MARCHF7: variants seen among roughly 807,000 people sequenced by gnomAD.
MARCHF7 encodes the protein membrane associated ring-CH-type finger 7, also known as E3 ubiquitin-protein ligase MARCHF7.
A neutral mutation model predicts 76.5 loss-of-function variants in MARCHF7; 20 were observed. The ratio of observed to expected loss-of-function variants is 0.26; its 90% CI spans 0.18 to 0.38. The LOEUF (loss-of-function observed/expected upper bound fraction) is 0.38. Ranked by LOEUF, MARCHF7 falls within the 10% of genes least tolerant of loss-of-function variation. MARCHF7 has a pLI of 1.00. For synonymous variants in MARCHF7, 295 were observed against 293.0 expected (o/e 1.01, Z -0.07); for missense variants, 797 against 812.9 (o/e 0.98, Z 0.24).
Position 159,767,533 on chromosome 2 carries a change from A to G in MARCHF7, c.*191A>G, listed in dbSNP as rs141032454. On this transcript the variant is annotated 3_prime_UTR_variant, in exon 12 of 12. Coordinates refer to ENST00000409175, the MANE Select transcript of MARCHF7 (RefSeq NM_001282805.2). ...TGTTGCTGAATTAAAATTCTGCTGG[A>G]CTTTTTAACATAGCAAATCCGATGT... 2 of 447,988 alleles carry G rather than the reference A, an allele frequency of 4.5e-6. No individual in the cohort carries two copies. The highest frequency in any genetic ancestry group is 7.9e-6 in the Non-Finnish European group (2 of 254,772). The allele number at this position is 447,988 out of a possible 1,614,324, so 27.8% of individuals were successfully genotyped here.
At chr2:159,759,855 G>T (rs542087765) in intron 9 of MARCHF7, among the ~76,000 whole-genome samples, 1 of 152,316 alleles carries the variant, frequency 6.6e-6, no homozygotes, top group Non-Finnish European at 1.5e-5. Flanking sequence ...CTAGCACTTT[G>T]GGAGGCTAAG....
At chr2:159,726,721 G>A (rs1287966013) in intron 3 of MARCHF7, among the ~76,000 whole-genome samples, 1 of 152,016 alleles carries the variant, frequency 6.6e-6, no homozygotes, top group East Asian at 1.9e-4. Flanking sequence ...TCATAATGTT[G>A]TGCAAACATC....
At chr2:159,751,023 T>C (rs548757580) in intron 7 of MARCHF7, among the ~76,000 whole-genome samples, 1 of 152,346 alleles carries the variant, frequency 6.6e-6, no homozygotes. Flanking sequence ...TTCCTGCTTT[T>C]AAACTTGCTA....
chr2:159,750,284 T>G (rs774003890), intron 7 of MARCHF7, among the ~76,000 whole-genome samples: 2 of 152,204 alleles, frequency 1.3e-5, no homozygotes, highest in Non-Finnish European at 2.9e-5. Context: ...CCCAGCACTT[T>G]GGGAGGCCAA....
intron 1 of MARCHF7, among the ~76,000 whole-genome samples, chr2:159,713,853 T>C (rs1700649146): frequency 6.6e-6 from 1 of 152,208 alleles, no homozygotes. Flanking sequence ...AGTTAATTTC[T>C]AGAGAGGATT....
chr2:159,715,285 G>A (rs1241283063), intron 2 of MARCHF7, among the ~76,000 whole-genome samples: 2 of 152,014 alleles, frequency 1.3e-5, no homozygotes, highest in African/African-American at 2.4e-5. Context: ...TTAATATACA[G>A]CATTTGCTAA....
chr2:159,741,205 T>C (rs996632875), intron 4 of MARCHF7, among the ~76,000 whole-genome samples: 1 of 152,116 alleles, frequency 6.6e-6, no homozygotes, highest in African/African-American at 2.4e-5. Flanking sequence ...AGACCCTGTC[T>C]CTACAAAATA....
chr2:159,738,996 A>G (rs1414086202), intron 4 of MARCHF7, among the ~76,000 whole-genome samples: 1 of 152,206 alleles, frequency 6.6e-6, no homozygotes. Context: ...GACGGGGGCC[A>G]AGGTAGCAGT....
At chr2:159,742,208 A>G (rs1013023046) in intron 4 of MARCHF7, among the ~76,000 whole-genome samples, 9 of 151,984 alleles carry the variant, frequency 5.9e-5, no homozygotes, top group Non-Finnish European at 1.3e-4. Flanking sequence ...TACTTGTTTT[A>G]GTTGTTGATT....
Position 159,740,870 on chromosome 2 carries a change from T to C in MARCHF7, c.154-2191T>C, listed in dbSNP as rs201989835. On this transcript the variant is annotated intron_variant, in intron 4 of 11. Coordinates refer to ENST00000409175, the MANE Select transcript of MARCHF7 (RefSeq NM_001282805.2). ...TAATACATCCCCTGAATGCAGGCAA[T>C]ATGTTTCTCATAATTGAACCATATT... Among the ~76,000 whole-genome samples the C allele has an allele frequency of 3.9e-5, 6 of 152,196 alleles. No homozygotes were observed. The East Asian group carries it at 1.2e-3, about 29-fold the overall frequency.
At chr2:159,733,606 A>G in intron 4 of MARCHF7, 1 of 985,280 alleles carries the variant, frequency 1.0e-6, no homozygotes, top group Non-Finnish European at 1.2e-6. Flanking sequence ...TGGAGACATA[A>G]AACTTCTGTT....
At chr2:159,737,173 T>G (rs1185941515) in intron 4 of MARCHF7, among the ~76,000 whole-genome samples, 1 of 152,182 alleles carries the variant, frequency 6.6e-6, no homozygotes, top group Non-Finnish European at 1.5e-5. Flanking sequence ...AAAAAAAGAT[T>G]GATTAGTTTT....
chr2:159,762,966 TACAAATGAACCAAGC>T lies in MARCHF7; in HGVS notation c.1984_1998del (p.Asn662_Thr666del). On this transcript the variant is annotated inframe_deletion, in exon 10 of 12. Transcript: ENST00000409175. ...AAAGCTTTTCTGATATGATGGGAAATACAAATGAACCAAGCACACGTGTCCGAGTAAGTAATAATG... is the reference window on the plus strand; with the variant it reads ...AAAGCTTTTCTGATATGATGGGAAATACACGTGTCCGAGTAAGTAATAATG... 6.2e-7 allele frequency: 1 copy of T among 1,612,644 alleles called. No homozygotes were observed. Among genetic ancestry groups the T allele is most frequent in the East Asian group, 2.2e-5 (1 of 44,760 alleles).
At chr2:159,748,980 T>A in intron 7 of MARCHF7, 77 bp downstream of exon 7, 2 of 1,035,050 alleles carry the variant, frequency 1.9e-6, no homozygotes, top group Non-Finnish European at 2.5e-6. Flanking sequence ...TTTCTTTTCT[T>A]TTTTTTTTTT....
intron 3 of MARCHF7, among the ~76,000 whole-genome samples, chr2:159,719,608 A>AT (rs1405661866): frequency 1.3e-5 from 2 of 151,562 alleles, no homozygotes; most frequent in African/African-American, 2.4e-5. Context: ...GTTTGAGGGG[A>AT]TTTTTTTCTA....
At chr2:159,714,114 T>G (rs1214663980) in intron 1 of MARCHF7, among the ~76,000 whole-genome samples, 1 of 152,222 alleles carries the variant, frequency 6.6e-6, no homozygotes, top group Non-Finnish European at 1.5e-5. Flanking sequence ...ATGACTCTCA[T>G]GTAGCCAATT....
At chr2:159,750,261 T>C (rs4665113) in intron 7 of MARCHF7, among the ~76,000 whole-genome samples, 140,814 of 152,290 alleles carry the variant, frequency 0.92, 65,277 homozygotes, top group African/African-American at 0.96. Context: ...GGCGCAGTGG[T>C]TCACGCTGTA....
Position 159,770,168 on chromosome 2 carries a change from T to G in MARCHF7, c.*2826T>G, listed in dbSNP as rs552014407. ...TGTAGTTCTTCAAGGAGTGGTACAATTTGGGTAGGAAAACCAGGCAGGAAT... is the reference window on the plus strand; with the variant it reads ...TGTAGTTCTTCAAGGAGTGGTACAAGTTGGGTAGGAAAACCAGGCAGGAAT... On this transcript the variant is annotated 3_prime_UTR_variant, in exon 12 of 12. Coordinates refer to ENST00000409175, the MANE Select transcript of MARCHF7 (RefSeq NM_001282805.2). The G allele has an allele frequency of 2.2e-4, 33 of 152,270 alleles. 1 individual carries two copies. Among genetic ancestry groups the G allele is most frequent in the African/African-American group, 7.5e-4 (31 of 41,568 alleles). The allele number at this position is 152,270 out of a possible 1,614,324, so 9.4% of individuals were successfully genotyped here. A position where few individuals can be genotyped will look rare whatever the true frequency, so the allele number is the denominator to read the frequency against.
rs1700814226 is a variant in MARCHF7 at position 159,714,542 on chromosome 2, T to A, written c.-142-15T>A. 6.6e-6 allele frequency: 1 copy of A among 152,188 alleles called. No individual in the cohort carries two copies. The highest frequency in any genetic ancestry group is 2.4e-5 in the African/African-American group (1 of 41,436). The allele number at this position is 152,188 out of a possible 1,614,324, so 9.4% of individuals were successfully genotyped here. Reference sequence around the variant, plus strand: ...TAAAGAAACTGCAAAGTCATGATATTATGGTTTGTTTTAGGAATTCATGAT... The same window carrying A: ...TAAAGAAACTGCAAAGTCATGATATAATGGTTTGTTTTAGGAATTCATGAT... On this transcript the variant is annotated splice_polypyrimidine_tract_variant and intron_variant, in intron 1 of 11. Coordinates refer to ENST00000409175, the MANE Select transcript of MARCHF7 (RefSeq NM_001282805.2).
Sources: gnomAD v4.1 joint callset for allele counts (sites outside exome capture counted in the v4.1 genomes callset) on GRCh38, gnomAD v4.1.1 for gene constraint, MANE v1.5 for transcripts, NCBI Gene and HGNC (gene_info 2026-07-23, HGNC 2026-07-21) for gene names.